EVC2: variants seen among roughly 807,000 people sequenced by gnomAD.
EVC2 encodes the protein limbin.
EVC2 carries 148 observed loss-of-function variants against 149.3 expected under a neutral mutation model. That is an observed-to-expected ratio of 0.99 (90% confidence interval 0.87 to 1.14). The LOEUF is 1.14. EVC2 is among the 50% of genes most tolerant of loss of function. The pLI, the probability that EVC2 is intolerant of heterozygous loss-of-function variation, is 0.00. For synonymous variants in EVC2, 776 were observed against 649.9 expected, an observed-to-expected ratio of 1.19 and a Z score of -2.95; for missense variants, 1,854 against 1,627.3, an observed-to-expected ratio of 1.14 and a Z score of -2.40.
At chr4:5,645,673 T>C (rs1270461681) in intron 9 of EVC2, among the ~76,000 whole-genome samples, 3 of 152,206 alleles carry the variant, frequency 2.0e-5, no homozygotes, top group African/African-American at 7.2e-5. Flanking sequence ...TGATGAGCAT[T>C]TAGGTGGATT....
chr4:5,541,744 C>T (rs539143450), downstream of EVC2, among the ~76,000 whole-genome samples: 1 of 152,236 alleles, frequency 6.6e-6, no homozygotes, highest in African/African-American at 2.4e-5. Context: ...GCCTTGTTTT[C>T]CTTTTCTGTA....
At chr4:5,695,755 C>A (rs1385447498) in intron 2 of EVC2, among the ~76,000 whole-genome samples, 1 of 152,202 alleles carries the variant, frequency 6.6e-6, no homozygotes, top group African/African-American at 2.4e-5. Context: ...TATTCAAATA[C>A]AAACTAATTT....
chr4:5,665,734 G>A, intron 7 of EVC2, 85 bp from the exon 8 acceptor site: 2 of 1,566,698 alleles, frequency 1.3e-6, no homozygotes, highest in South Asian at 2.3e-5. Flanking sequence ...TGTCAGAGCA[G>A]ACCAAGCAGG....
In EVC2 at chr4:5,595,922, G is replaced by A. The variant is rs189344289; in HGVS notation, c.2830-11072C>T. ...AAAAAAGGCAGGGGTTGCAATCCTA[G>A]TCTCTGATAAAACAGAATTTAAACC... On this transcript the variant is annotated intron_variant, in intron 16 of 21. Transcript: ENST00000344408. Among the ~76,000 whole-genome samples, 1,447 of 152,262 alleles carry A rather than the reference G, an allele frequency of 9.5e-3. 19 individuals carry two copies. The highest frequency in any genetic ancestry group is 0.033 in the African/African-American group (1,354 of 41,538).
chr4:5,558,539 C>T (rs11721811), downstream of EVC2, among the ~76,000 whole-genome samples: 69,643 of 152,042 alleles, frequency 0.46, 20,170 homozygotes, highest in Non-Finnish European at 0.65. Flanking sequence ...ATACATAATG[C>T]CATGTCAATG....
intron 3 of EVC2, among the ~76,000 whole-genome samples, chr4:5,692,244 C>G (rs1000513113): frequency 6.6e-6 from 1 of 152,050 alleles, no homozygotes; most frequent in African/African-American, 2.4e-5. Flanking sequence ...CCCAGGCTGG[C>G]CTTGGACTCC....
rs139936564 is a variant in EVC2 at position 5,622,734 on chromosome 4, C to G, written c.2304G>C (p.Val768=). The change falls in exon 14 of 22, where the codon GTG becomes GTC. Residue 768 remains valine (V), a synonymous_variant. Coordinates refer to ENST00000344408, the MANE Select transcript of EVC2 (RefSeq NM_147127.5). The surrounding 1 kb of genome is among the most constrained non-coding windows in gnomAD (Gnocchi z 5.8). The part of the protein sequence containing the change: ...AMTQELLKRG[V]PWLFLQQILE... ...GGATCTGCTGCAGGAAGAGCCAGGG[C>G]ACCCCACGCTTGAGCAGCTCCTGGG... 5.6e-5 allele frequency: 91 copies of G among 1,614,092 alleles called. No homozygotes were observed. The African/African-American group carries it at 1.1e-3, about 19-fold the overall frequency.
chr4:5,624,299 G>T (rs1181040181), intron 13 of EVC2, among the ~76,000 whole-genome samples: 1 of 152,188 alleles, frequency 6.6e-6, no homozygotes, highest in Admixed American at 6.5e-5. Flanking sequence ...TCCAAATTAA[G>T]AACTCAATAA....
chr4:5,619,036 C>A (rs112847602), intron 14 of EVC2, among the ~76,000 whole-genome samples: 6,553 of 152,224 alleles, frequency 0.043, 447 homozygotes, highest in African/African-American at 0.14. Flanking sequence ...CAGCAGCATT[C>A]TCTATGTAGG....
Position 5,565,324 on chromosome 4 carries a change from T to A in EVC2, c.3593A>T (p.Lys1198Ile). ...TCTGCTTATCAGATCTCCTCGCAGT[T>A]TGCCATCTAAGGCTTGCCACCAGCT... is the stretch of plus-strand genomic sequence containing the variant. The part of the protein sequence containing the change: ...HQSWWQALDG[K>I]LRGDLISRGL... Residue 1198 changes from lysine (K) to isoleucine (I), a missense_variant, in exon 21 of 22, where the codon AAA becomes ATA. Lys to Ile is a moderately radical substitution (Grantham distance 102). Transcript: ENST00000344408. 6.2e-7 allele frequency: 1 copy of A among 1,614,108 alleles called. No individual in the cohort carries two copies. Among genetic ancestry groups the A allele is most frequent in the East Asian group, 2.2e-5 (1 of 44,874 alleles).
At chr4:5,539,911 CAA>C (rs1216294309), downstream of EVC2, among the ~76,000 whole-genome samples, 5 of 152,088 alleles carry the variant, frequency 3.3e-5, no homozygotes, top group Admixed American at 6.5e-5. Flanking sequence ...TTCTGCTCTT[CAA>C]AAGATACCGC....
At chr4:5,563,172 GT>G in intron 21 of EVC2, 57 bp from the exon 22 acceptor site, 2 of 1,532,898 alleles carry the variant, frequency 1.3e-6, no homozygotes, top group Non-Finnish European at 1.8e-6. Flanking sequence ...CCTCTGGAGT[GT>G]TCTGAGTTCT....
chr4:5,687,246 A>G (rs1414316681), intron 5 of EVC2, among the ~76,000 whole-genome samples: 1 of 152,130 alleles, frequency 6.6e-6, no homozygotes, highest in African/African-American at 2.4e-5. Context: ...GACAAGCATG[A>G]AACTCCATCT....
chr4:5,640,770 T>C lies in EVC2; in HGVS notation c.1214A>G (p.Asp405Gly), dbSNP rs375543647. 27 of 1,614,198 alleles carry C rather than the reference T, an allele frequency of 1.7e-5. No homozygotes were observed. In the African/African-American group the frequency reaches 3.1e-4, roughly 18 times the overall value. ...ATTTTTCAGCAGAAGGGCAATGATA[T>C]CCTTGCTGATTTGTGTTCGACAAGC... ...LEACRTQISK[D>G]IIALLLKNLT... is the part of the protein sequence containing the mutation. Residue 405 changes from aspartate to glycine, a missense_variant, in exon 10 of 22, where the codon GAT becomes GGT. Physicochemically the swap from Asp to Gly is moderately conservative, Grantham distance 94. Transcript: ENST00000344408. The surrounding 1 kb of genome is among the most constrained non-coding windows in gnomAD (Gnocchi z 4.6).
Position 5,657,720 on chromosome 4 carries a change from A to C in EVC2, c.1145+5387T>G, listed in dbSNP as rs1718617909. Among the ~76,000 whole-genome samples the C allele has an allele frequency of 6.9e-6, 1 of 145,612 alleles. No individual in the cohort carries two copies. The highest frequency in any genetic ancestry group is 7.0e-5 in the Admixed American group (1 of 14,374). ...TTACTGCTCAGGTGGGTAAGATGAA[A>C]TACAACAACATTAATTTGAAAAAGA... On this transcript the variant is annotated intron_variant, in intron 9 of 21. Coordinates refer to ENST00000344408, the MANE Select transcript of EVC2 (RefSeq NM_147127.5). This position sits in a 1 kb window ranked among gnomAD's most constrained non-coding sequence, Gnocchi z 4.7.
At chr4:5,596,394 T>C (rs1001404982) in intron 16 of EVC2, among the ~76,000 whole-genome samples, 2 of 152,090 alleles carry the variant, frequency 1.3e-5, no homozygotes, top group African/African-American at 4.8e-5. Context: ...GCAATCAAAC[T>C]AGAACTCAGG....
At chr4:5,564,868 G>A (rs182267725) in intron 21 of EVC2, among the ~76,000 whole-genome samples, 47 of 152,270 alleles carry the variant, frequency 3.1e-4, no homozygotes, top group African/African-American at 1.1e-3. Flanking sequence ...ACCAGCTGTT[G>A]GCCTGGGGCC....
chr4:5,589,073 C>T (rs1343351227), intron 16 of EVC2, among the ~76,000 whole-genome samples: 1 of 152,194 alleles, frequency 6.6e-6, no homozygotes, highest in Non-Finnish European at 1.5e-5. Context: ...TTTAACTGAA[C>T]TACAGACAAT....
intron 21 of EVC2, among the ~76,000 whole-genome samples, chr4:5,550,486 G>GGAAGAAAT (rs1560117213): frequency 2.0e-5 from 3 of 152,150 alleles, no homozygotes; most frequent in African/African-American, 7.2e-5. Flanking sequence ...GGTATCCGGC[G>GGAAGAAAT]GAAGAAATTT....
Sources: allele counts gnomAD v4.1 joint callset (sites outside exome capture counted in the v4.1 genomes callset), GRCh38; gene constraint gnomAD v4.1.1; non-coding constraint Gnocchi (gnomAD v3.1); transcripts MANE v1.5; gene names NCBI Gene and HGNC (gene_info 2026-07-23, HGNC 2026-07-21).